The following PAK1IP1 variants were observed in gnomAD, a reference collection of about 807,000 sequenced individuals.
PAK1IP1 encodes the protein PAK1 interacting protein 1.
A neutral mutation model predicts 42.0 loss-of-function variants in PAK1IP1; 24 were observed. That is an observed-to-expected ratio of 0.57 (90% CI 0.41 to 0.80). The LOEUF (loss-of-function observed/expected upper bound fraction) is 0.80. Ranked by LOEUF, PAK1IP1 falls within the 30% of genes least tolerant of loss-of-function variation. The pLI, the probability that PAK1IP1 is intolerant of heterozygous loss-of-function variation, is 0.00. For missense variants in PAK1IP1, 411 were observed against 467.9 expected, an observed-to-expected ratio of 0.88 and a Z score of 1.12; for synonymous variants, 154 against 156.7, an observed-to-expected ratio of 0.98 and a Z score of 0.13.
At chr6:10,704,867 T>A in intron 7 of PAK1IP1, 23 bp downstream of exon 7, 1 of 1,387,842 alleles carries the variant, frequency 7.2e-7, no homozygotes, top group Non-Finnish European at 1.0e-6. Context: ...ATCTTTGGTG[T>A]ATATGTCTAG....
upstream of PAK1IP1, among the ~76,000 whole-genome samples, chr6:10,693,167 T>A (rs950839304): frequency 6.6e-6 from 1 of 152,190 alleles, no homozygotes; most frequent in African/African-American, 2.4e-5. Flanking sequence ...GGTATCAGTT[T>A]AAGATTATGA....
upstream of PAK1IP1, among the ~76,000 whole-genome samples, chr6:10,692,075 G>C (rs77417754): frequency 1.9e-3 from 292 of 152,284 alleles, 1 homozygote; most frequent in African/African-American, 6.8e-3. Context: ...CAGCAGTTGA[G>C]ATGTCCCTGG....
At chr6:10,703,492 TCCTAA>T in intron 5 of PAK1IP1, 35 bp downstream of exon 5, 1 of 1,471,550 alleles carries the variant, frequency 6.8e-7, no homozygotes, top group Non-Finnish European at 9.4e-7. Context: ...GGTTGAGCAT[TCCTAA>T]TCTGGAAATC....
In PAK1IP1 at chr6:10,707,410, C is replaced by A. The variant is rs189303066; in HGVS notation, c.741-5C>A. The A allele has an allele frequency of 2.7e-6, 4 of 1,498,694 alleles. No homozygotes were observed. Among genetic ancestry groups the A allele is most frequent in the Non-Finnish European group, 3.7e-6 (4 of 1,074,908 alleles). 92.8% of individuals were successfully genotyped at this position (1,498,694 alleles called of 1,614,324 possible). On this transcript the variant is annotated splice_polypyrimidine_tract_variant and splice_region_variant and intron_variant, in intron 7 of 9. Coordinates refer to ENST00000379568, the MANE Select transcript of PAK1IP1 (RefSeq NM_017906.3). ...TCTTTTATGGTGTTAATATTTCTAT[C>A]CTAGGGTAAAGGACATGTTCAGTTT...
At chr6:10,691,533 T>G (rs548128606), upstream of PAK1IP1, among the ~76,000 whole-genome samples, 3 of 152,216 alleles carry the variant, frequency 2.0e-5, no homozygotes, top group African/African-American at 7.2e-5. Flanking sequence ...GGGGTCGATC[T>G]TTACCAGGCC....
At chr6:10,704,686 G>A in intron 6 of PAK1IP1, 34 bp downstream of exon 6, 1 of 1,605,348 alleles carries the variant, frequency 6.2e-7, no homozygotes, top group South Asian at 1.1e-5. Context: ...CAAAGTTTGT[G>A]GTGATGGTTG....
At position 10,695,224 on chromosome 6, in the gene PAK1IP1, A is replaced by T. The variant is rs1769769802; in HGVS notation, c.84+155A>T. ...ACTTAAGAGAAAAGCTAACCTTTTAAACCGTAGAATGGACATTTTATCAAA... is the reference window on the plus strand; with the variant it reads ...ACTTAAGAGAAAAGCTAACCTTTTATACCGTAGAATGGACATTTTATCAAA... On this transcript the variant is annotated intron_variant, in intron 1 of 9. Transcript: ENST00000379568. Among the ~76,000 whole-genome samples the T allele has an allele frequency of 2.0e-5, 3 of 152,214 alleles. No homozygotes were observed. In the South Asian group the frequency reaches 6.2e-4, roughly 32 times the overall value.
At chr6:10,695,633 T>C (rs1187093340) in intron 1 of PAK1IP1, among the ~76,000 whole-genome samples, 2 of 152,130 alleles carry the variant, frequency 1.3e-5, no homozygotes, top group African/African-American at 4.8e-5. Flanking sequence ...TACAGCAGAA[T>C]ATGATATTAC....
upstream of PAK1IP1, chr6:10,694,590 C>T: frequency 5.8e-6 from 1 of 172,406 alleles, no homozygotes; most frequent in Admixed American, 6.0e-5. Context: ...GCCGGCGCTA[C>T]AGCCCCTAAG....
upstream of PAK1IP1, among the ~76,000 whole-genome samples, chr6:10,693,750 A>G (rs1417204288): frequency 6.6e-6 from 1 of 152,078 alleles, no homozygotes; most frequent in African/African-American, 2.4e-5. Context: ...TTTTCTTTGA[A>G]AGGGGGCCTG....
Position 10,702,631 on chromosome 6 carries a change from AACTTTAAGGT to A in PAK1IP1, c.437_443+3del, listed in dbSNP as rs764343512. On this transcript the variant is annotated splice_donor_variant and coding_sequence_variant, in exon 4 of 10. Coordinates refer to ENST00000379568, the MANE Select transcript of PAK1IP1 (RefSeq NM_017906.3). LOFTEE classifies it high-confidence loss of function. ...TGGCCCTGTCGGTTGGTACAGATAA[AACTTTAAGGT>A]AAGTCATTAATGCTCAAGAGCATTT... The A allele has an allele frequency of 1.2e-6, 2 of 1,609,790 alleles. No individual in the cohort carries two copies. The highest frequency in any genetic ancestry group is 1.7e-6 in the Non-Finnish European group (2 of 1,176,490).
chr6:10,706,178 A>G (rs749717355), intron 7 of PAK1IP1, among the ~76,000 whole-genome samples: 1 of 152,114 alleles, frequency 6.6e-6, no homozygotes, highest in Non-Finnish European at 1.5e-5. Context: ...ATTGGTTTAG[A>G]TAGGATGATG....
upstream of PAK1IP1, among the ~76,000 whole-genome samples, chr6:10,691,321 T>G (rs1195660812): frequency 6.6e-6 from 1 of 152,116 alleles, no homozygotes; most frequent in African/African-American, 2.4e-5. Flanking sequence ...GCTCCCCAAG[T>G]GAGTAATTCC....
chr6:10,695,227 C>T (rs997800121), intron 1 of PAK1IP1, among the ~76,000 whole-genome samples, 158 bp downstream of exon 1: 1 of 152,106 alleles, frequency 6.6e-6, no homozygotes, highest in Non-Finnish European at 1.5e-5. Flanking sequence ...CCTTTTAAAC[C>T]GTAGAATGGA....
intron 2 of PAK1IP1, 114 bp from the exon 3 acceptor site, chr6:10,702,253 AAG>A: frequency 1.2e-6 from 1 of 838,950 alleles, no homozygotes; most frequent in Non-Finnish European, 1.8e-6. Flanking sequence ...AAAAAAAAAA[AAG>A]AAAAAGAAAA....
intron 9 of PAK1IP1, 62 bp downstream of exon 9, chr6:10,709,138 G>A: frequency 6.6e-7 from 1 of 1,525,790 alleles, no homozygotes. Context: ...TTGTAGAAGT[G>A]GAGGAGATCC....
At chr6:10,708,859 A>G (rs1029394757) in intron 8 of PAK1IP1, 94 bp from the exon 9 acceptor site, 47 of 1,043,662 alleles carry the variant, frequency 4.5e-5, no homozygotes, top group Non-Finnish European at 6.2e-5. Context: ...TTTGTACTCA[A>G]GAAAATACAG....
In PAK1IP1 at chr6:10,695,049, G is replaced by A. The variant is rs1769754679; in HGVS notation, c.64G>A (p.Glu22Lys). The change falls in exon 1 of 10, where the codon GAG becomes AAG. Residue 22 changes from glutamate (E) to lysine (K), a missense_variant. Transcript: ENST00000379568. ...LFGFAVHPEP[E>K]ACGDHEQWTL... ...TGGGTTCGCTGTACACCCGGAGCCC[G>A]AGGCTTGCGGCGACCACGAGGTGAG... 3 of 1,600,556 alleles carry A rather than the reference G, an allele frequency of 1.9e-6. No homozygotes were observed. Among genetic ancestry groups the A allele is most frequent in the Non-Finnish European group, 2.5e-6 (3 of 1,178,470 alleles).
upstream of PAK1IP1, among the ~76,000 whole-genome samples, chr6:10,694,307 G>A (rs982945682): frequency 2.7e-5 from 4 of 150,500 alleles, no homozygotes; most frequent in Non-Finnish European, 4.4e-5. Context: ...CTCCCCAGGA[G>A]GTGCCGCAAC....
Sources: gnomAD v4.1 joint callset for allele counts (sites outside exome capture counted in the v4.1 genomes callset) on GRCh38, gnomAD v4.1.1 for gene constraint, MANE v1.5 for transcripts, NCBI Gene and HGNC (gene_info 2026-07-23, HGNC 2026-07-21) for gene names.